Variants in LDB2 observed in about 807,000 individuals in gnomAD.
LDB2 encodes LIM domain binding 2.
LDB2 carries 12 observed loss-of-function variants against 44.3 expected under a neutral mutation model. The observed-to-expected ratio is 0.27, with a 90% CI of 0.17 to 0.44. The LOEUF is 0.44. LDB2 is among the 20% of genes least tolerant of loss of function. The pLI is 1.00. For missense variants in LDB2, 344 were observed against 473.5 expected, an observed-to-expected ratio of 0.73 and a Z score of 2.54; for synonymous variants, 164 against 174.8, an observed-to-expected ratio of 0.94 and a Z score of 0.49.
At chr4:16,735,830 T>G (rs567553503) in intron 2 of LDB2, among the ~76,000 whole-genome samples, 17 of 152,102 alleles carry the variant, frequency 1.1e-4, no homozygotes, top group Non-Finnish European at 2.4e-4. Context: ...ATGGATGAGA[T>G]AGTGAAAAAT....
At chr4:16,694,706 C>G (rs556909173) in intron 2 of LDB2, among the ~76,000 whole-genome samples, 1 of 152,328 alleles carries the variant, frequency 6.6e-6, no homozygotes, top group East Asian at 1.9e-4. Flanking sequence ...CATGAAGGAT[C>G]TAGCATCACA....
At chr4:16,763,663 C>T (rs1011175589) in intron 1 of LDB2, among the ~76,000 whole-genome samples, 21 of 152,244 alleles carry the variant, frequency 1.4e-4, no homozygotes, top group Middle Eastern at 3.4e-3. Context: ...ATGTTAGTAT[C>T]GTAATCCAGA....
At chr4:16,784,450 C>T (rs1191250819) in intron 1 of LDB2, among the ~76,000 whole-genome samples, 1 of 152,166 alleles carries the variant, frequency 6.6e-6, no homozygotes, top group East Asian at 1.9e-4. Context: ...AACACCATCT[C>T]TTCCCAGGGG....
chr4:16,891,301 A>ATTTTT (rs1276936562), intron 1 of LDB2, among the ~76,000 whole-genome samples: 8 of 117,372 alleles, frequency 6.8e-5, no homozygotes, highest in African/African-American at 1.6e-4. Flanking sequence ...AATCTTAAGT[A>ATTTTT]TTCTTTTTTT....
At chr4:16,554,034 T>C (rs187022074) in intron 5 of LDB2, among the ~76,000 whole-genome samples, 75 of 151,924 alleles carry the variant, frequency 4.9e-4, no homozygotes, top group African/African-American at 1.7e-3. Context: ...TTGGACGTAT[T>C]CATTCAATGG....
At chr4:16,666,812 C>A (rs1217603911) in intron 2 of LDB2, among the ~76,000 whole-genome samples, 2 of 152,164 alleles carry the variant, frequency 1.3e-5, no homozygotes, top group African/African-American at 4.8e-5. Context: ...TCCCCCTTGA[C>A]TAGATTTGGA....
intron 2 of LDB2, among the ~76,000 whole-genome samples, chr4:16,616,181 G>A (rs1298873720): frequency 6.6e-6 from 1 of 152,134 alleles, no homozygotes; most frequent in African/African-American, 2.4e-5. Flanking sequence ...ATGTCTTTTT[G>A]TTACTGGTTA....
chr4:16,830,275 T>C (rs1346315796), intron 1 of LDB2, among the ~76,000 whole-genome samples: 2 of 152,176 alleles, frequency 1.3e-5, no homozygotes, highest in Non-Finnish European at 2.9e-5. Flanking sequence ...CCCCACGCTG[T>C]TCTCATGACA....
intron 1 of LDB2, among the ~76,000 whole-genome samples, chr4:16,883,460 G>A (rs1299625532): frequency 6.6e-6 from 1 of 152,164 alleles, no homozygotes; most frequent in Non-Finnish European, 1.5e-5. Flanking sequence ...AAAGCATATG[G>A]GCCTGCAATG....
rs575115770 is a variant in LDB2, at chr4:16,804,520, T to C, written c.133-45260A>G. Among the ~76,000 whole-genome samples the C allele has an allele frequency of 1.4e-4, 22 of 152,344 alleles. 1 individual carries two copies. In the South Asian group the frequency reaches 4.6e-3, roughly 32 times the overall value. ...TTGTGCAACACAGCAATGGTTGGTC[T>C]TCAATGAAGTTTTGTTCCCAAGGAA... On this transcript the variant is annotated intron_variant, in intron 1 of 7. Coordinates refer to ENST00000304523, the MANE Select transcript of LDB2 (RefSeq NM_001290.5).
chr4:16,556,324 A>G (rs1644657842), intron 5 of LDB2, among the ~76,000 whole-genome samples: 1 of 152,222 alleles, frequency 6.6e-6, no homozygotes, highest in Non-Finnish European at 1.5e-5. Context: ...TGATATGAGA[A>G]TGAATAAATG....
intron 2 of LDB2, among the ~76,000 whole-genome samples, chr4:16,757,122 G>A (rs1766827154): frequency 1.3e-5 from 2 of 152,186 alleles, no homozygotes; most frequent in South Asian, 2.1e-4. Context: ...GACCTCGAAC[G>A]GGTTAAGGTA....
At chr4:16,766,085 C>T (rs513488) in intron 1 of LDB2, among the ~76,000 whole-genome samples, 77,676 of 151,966 alleles carry the variant, frequency 0.51, 23,342 homozygotes, top group Middle Eastern at 0.7. Context: ...ATTGCATTTT[C>T]CTTTTCTAAA....
intron 5 of LDB2, among the ~76,000 whole-genome samples, chr4:16,550,092 C>T (rs1303918039): frequency 1.3e-5 from 2 of 152,160 alleles, no homozygotes; most frequent in Non-Finnish European, 2.9e-5. Context: ...AATCAAAGAT[C>T]TTACCTAAGT....
chr4:16,667,013 T>C (rs1743449074), intron 2 of LDB2, among the ~76,000 whole-genome samples: 4 of 152,198 alleles, frequency 2.6e-5, no homozygotes, highest in African/African-American at 9.7e-5. Context: ...TGTGTCTATC[T>C]GCTGGATTAA....
intron 2 of LDB2, among the ~76,000 whole-genome samples, chr4:16,699,629 G>C (rs1459803523): frequency 6.6e-6 from 1 of 152,166 alleles, no homozygotes; most frequent in Non-Finnish European, 1.5e-5. Context: ...ACTACACTGA[G>C]AATTGTGAGA....
chr4:16,557,042 T>C (rs1270068317), intron 5 of LDB2, among the ~76,000 whole-genome samples: 1 of 152,212 alleles, frequency 6.6e-6, no homozygotes, highest in African/African-American at 2.4e-5. Context: ...TTTCCTTCCA[T>C]GAAGAATTTG....
intron 5 of LDB2, among the ~76,000 whole-genome samples, chr4:16,579,909 T>C (rs1713647718): frequency 6.6e-6 from 1 of 152,164 alleles, no homozygotes; most frequent in South Asian, 2.1e-4. Flanking sequence ...ACAATTCTTA[T>C]ATGGGACCTG....
At chr4:16,697,569 T>C (rs1752465976) in intron 2 of LDB2, among the ~76,000 whole-genome samples, 1 of 152,160 alleles carries the variant, frequency 6.6e-6, no homozygotes, top group Non-Finnish European at 1.5e-5. Context: ...TACTCCACCT[T>C]TCCTGGACCC....
Sources: allele counts gnomAD v4.1 joint callset (sites outside exome capture counted in the v4.1 genomes callset), GRCh38; gene constraint gnomAD v4.1.1; transcripts MANE v1.5; gene names NCBI Gene and HGNC (gene_info 2026-07-23, HGNC 2026-07-21).